The following MYO16 variants were observed in gnomAD, a reference collection of about 807,000 sequenced individuals.
The protein encoded by MYO16 is myosin XVI, also known as unconventional myosin-XVI.
MYO16 carries 94 observed loss-of-function variants against 205.3 expected under a neutral mutation model. The ratio of observed to expected loss-of-function variants is 0.46; its 90% confidence interval spans 0.39 to 0.54. The LOEUF (loss-of-function observed/expected upper bound fraction) is 0.54, where lower values mean the gene tolerates loss of function less well. Ranked by LOEUF, MYO16 falls within the 20% of genes least tolerant of loss-of-function variation. The pLI is 0.00. For synonymous variants in MYO16, 988 were observed against 954.0 expected, an observed-to-expected ratio of 1.04 and a Z score of -0.66; for missense variants, 2,315 against 2,387.5, an observed-to-expected ratio of 0.97 and a Z score of 0.63.
intron 4 of MYO16, among the ~76,000 whole-genome samples, chr13:108,747,433 C>G (rs1021434050): frequency 6.6e-6 from 1 of 151,954 alleles, no homozygotes; most frequent in African/African-American, 2.4e-5. Context: ...GATACCTGTA[C>G]TACATGTGAA....
At position 108,731,238 on chromosome 13, in the gene MYO16, G is replaced by A. The variant is rs80204035; in HGVS notation, c.507+3655G>A. Among the ~76,000 whole-genome samples the A allele has an allele frequency of 3.7e-4, 56 of 152,274 alleles. 1 individual carries two copies. The East Asian group carries it at 4.8e-3, about 13-fold the overall frequency. On this transcript the variant is annotated intron_variant, in intron 4 of 34. Transcript: ENST00000457511. ...TGCATGCATTGCTGTTTGTTAAAAC[G>A]GTGCCTAGCACTTGATAGATGCTTA...
chr13:108,810,099 C>A (rs1295800558), intron 7 of MYO16, among the ~76,000 whole-genome samples: 1 of 152,218 alleles, frequency 6.6e-6, no homozygotes, highest in East Asian at 1.9e-4. Flanking sequence ...TGGCCATTTA[C>A]AATGTGCAGA....
chr13:109,012,901 G>A (rs1885651312), intron 22 of MYO16, among the ~76,000 whole-genome samples: 2 of 151,202 alleles, frequency 1.3e-5, no homozygotes, highest in South Asian at 4.2e-4. Context: ...TCTAAAAATT[G>A]GAATATCACA....
chr13:108,789,690 A>C (rs1432634475), intron 5 of MYO16, among the ~76,000 whole-genome samples: 1 of 152,150 alleles, frequency 6.6e-6, no homozygotes, highest in Non-Finnish European at 1.5e-5. Context: ...ACTTCTGTGC[A>C]TCTCTTAGAA....
chr13:108,595,767 T>C (rs775700830), upstream of MYO16, among the ~76,000 whole-genome samples: 49 of 152,176 alleles, frequency 3.2e-4, no homozygotes, highest in Non-Finnish European at 6.8e-4. Context: ...TGTAAACCTT[T>C]AACTTTTTTT....
At chr13:108,679,670 C>G (rs1364870267) in intron 2 of MYO16, among the ~76,000 whole-genome samples, 1 of 149,598 alleles carries the variant, frequency 6.7e-6, no homozygotes, top group Non-Finnish European at 1.5e-5. Flanking sequence ...ATTCTTCTCT[C>G]TCTAATGAAG....
At chr13:109,117,448 GTA>G (rs1200544922) in intron 28 of MYO16, among the ~76,000 whole-genome samples, 84 of 142,896 alleles carry the variant, frequency 5.9e-4, no homozygotes, top group Middle Eastern at 3.6e-3. Flanking sequence ...GTATATATAT[GTA>G]TATATATGTA....
At chr13:108,596,560 A>T (rs1878570760) in intron 1 of MYO16, among the ~76,000 whole-genome samples, 1 of 152,154 alleles carries the variant, frequency 6.6e-6, no homozygotes, top group Non-Finnish European at 1.5e-5. Flanking sequence ...AAAAAAAGTG[A>T]TTTTTTTCAG....
intron 1 of MYO16, among the ~76,000 whole-genome samples, chr13:108,617,700 G>A (rs141492323): frequency 3.3e-5 from 5 of 152,258 alleles, no homozygotes; most frequent in South Asian, 2.1e-4. Context: ...AGTCCATCTT[G>A]TGTTTTCTCT....
chr13:108,634,266 C>A (rs982512547), intron 1 of MYO16, among the ~76,000 whole-genome samples: 2 of 152,162 alleles, frequency 1.3e-5, no homozygotes, highest in African/African-American at 4.8e-5. Flanking sequence ...ACCATTAAAT[C>A]TGCAGAGTGT....
rs1000023573 is a variant in MYO16, at chr13:109,074,303, A to T, written c.3335+18708A>T. On this transcript the variant is annotated intron_variant, in intron 27 of 34. Transcript: ENST00000457511. Reference sequence around the variant, plus strand: ...TTCTCATCCCCAGACAAGCATTGATATGCTTTTGCCTCCTGTATTAGTCCG... The same window carrying T: ...TTCTCATCCCCAGACAAGCATTGATTTGCTTTTGCCTCCTGTATTAGTCCG... Among the ~76,000 whole-genome samples, 5 of 152,148 alleles carry T rather than the reference A, an allele frequency of 3.3e-5. No individual in the cohort carries two copies. In the East Asian group the frequency reaches 9.6e-4, roughly 29 times the overall value.
At position 108,785,668 on chromosome 13, in the gene MYO16, G is replaced by A. The variant is rs950185444; in HGVS notation, c.541G>A (p.Gly181Arg). ...CAATGTCCTTCTCCAGGATGTGAATGGAAATATCCCATTAGATTATGCTGT... is the reference window on the plus strand; with the variant it reads ...CAATGTCCTTCTCCAGGATGTGAATAGAAATATCCCATTAGATTATGCTGT... ...GANVLLQDVN[G>R]NIPLDYAVEG... Residue 181 changes from glycine to arginine, a missense_variant, in exon 5 of 35, where the codon GGA becomes AGA. Physicochemically the swap from Gly to Arg is moderately radical, Grantham distance 125 (BLOSUM62 -2). This residue lies in a region of MYO16 where 1,213 missense variants were observed against 1,274.4 expected (regional missense o/e 0.95). Transcript: ENST00000457511. 6.2e-7 allele frequency: 1 copy of A among 1,612,728 alleles called. No homozygotes were observed. The highest frequency in any genetic ancestry group is 8.5e-7 in the Non-Finnish European group (1 of 1,179,614).
rs1006667195 is a variant in MYO16, at chr13:108,906,037, C to T, written c.1778-3966C>T. On this transcript the variant is annotated intron_variant, in intron 15 of 34. Transcript: ENST00000457511. ...GCCTTGGGCAGCTCACTGGATCTTC[C>T]ATGCCTCATTTTCTTCTTCTGTCCA... 2.0e-5 allele frequency among the ~76,000 whole-genome samples: 3 copies of T among 152,196 alleles called. No homozygotes were observed. The East Asian group carries it at 5.8e-4, about 29-fold the overall frequency.
At chr13:109,148,091 A>G (rs1184360666) in intron 32 of MYO16, among the ~76,000 whole-genome samples, 1 of 152,172 alleles carries the variant, frequency 6.6e-6, no homozygotes, top group Non-Finnish European at 1.5e-5. Flanking sequence ...TTGCAGCTAT[A>G]TATTTCATTG....
At chr13:108,631,713 CT>C (rs1879987139) in intron 1 of MYO16, among the ~76,000 whole-genome samples, 1 of 152,120 alleles carries the variant, frequency 6.6e-6, no homozygotes. Flanking sequence ...ATACTGCATT[CT>C]GTGCTGAACT....
chr13:108,997,324 GAAAGAAAGAAAGAA>G (rs1342704231), intron 21 of MYO16, among the ~76,000 whole-genome samples: 206 of 4,874 alleles, frequency 0.042, no homozygotes, highest in African/African-American at 0.065. Context: ...AAGAAAGAAA[GAAAGAAAGAAAGAA>G]AGAGAGAGAG....
intron 16 of MYO16, among the ~76,000 whole-genome samples, chr13:108,949,574 C>G (rs978013061): frequency 6.6e-6 from 1 of 151,894 alleles, no homozygotes; most frequent in African/African-American, 2.4e-5. Context: ...TTGGAAGATT[C>G]AATATAGTAA....
At chr13:109,171,580 C>T (rs529434275) in intron 33 of MYO16, among the ~76,000 whole-genome samples, 1 of 152,280 alleles carries the variant, frequency 6.6e-6, no homozygotes, top group Non-Finnish European at 1.5e-5. Context: ...GATGCGAGCG[C>T]AGACTTGGAT....
At chr13:108,666,666 T>C (rs1881746688) in intron 2 of MYO16, among the ~76,000 whole-genome samples, 1 of 152,152 alleles carries the variant, frequency 6.6e-6, no homozygotes, top group Non-Finnish European at 1.5e-5. Context: ...CATGCTTTGA[T>C]AGATGCAGCA....
Sources: allele counts gnomAD v4.1 joint callset (sites outside exome capture counted in the v4.1 genomes callset), GRCh38; gene constraint gnomAD v4.1.1; regional missense constraint gnomAD v4.1.1; transcripts MANE v1.5; gene names NCBI Gene and HGNC (gene_info 2026-07-23, HGNC 2026-07-21).